Variants in RSBN1L observed in about 807,000 individuals in gnomAD.
RSBN1L encodes the protein lysine-specific demethylase RSBN1L.
A neutral mutation model predicts 67.7 loss-of-function variants in RSBN1L; 30 were observed. The ratio of observed to expected loss-of-function variants is 0.44; its 90% CI spans 0.33 to 0.60. RSBN1L has a LOEUF of 0.60. RSBN1L is among the 20% of genes least tolerant of loss of function. The pLI is 0.02. For synonymous variants in RSBN1L, 433 were observed against 387.0 expected (o/e 1.12, Z -1.39); for missense variants, 992 against 1,031.7 (o/e 0.96, Z 0.53).
intron 1 of RSBN1L, among the ~76,000 whole-genome samples, chr7:77,716,464 T>TC (rs953367744): frequency 9.3e-5 from 14 of 151,064 alleles, no homozygotes; most frequent in Non-Finnish European, 7.4e-5. Flanking sequence ...TCCTTTTTTT[T>TC]TTTTTCACCA....
intron 1 of RSBN1L, among the ~76,000 whole-genome samples, chr7:77,700,228 A>C (rs1228127937): frequency 6.6e-6 from 1 of 152,218 alleles, no homozygotes; most frequent in East Asian, 1.9e-4. Flanking sequence ...GTAAAAGTGG[A>C]CATATACCAA....
chr7:77,737,795 G>A (rs944780224), intron 2 of RSBN1L, among the ~76,000 whole-genome samples: 7 of 152,134 alleles, frequency 4.6e-5, no homozygotes, highest in African/African-American at 1.7e-4. Context: ...GGCCGAGGCG[G>A]GTGGATCACT....
At chr7:77,741,712 G>GA (rs1791413245) in intron 2 of RSBN1L, among the ~76,000 whole-genome samples, 1 of 149,816 alleles carries the variant, frequency 6.7e-6, no homozygotes, top group African/African-American at 2.5e-5. Context: ...AAAAAGAAAA[G>GA]AAAAGAATTA....
At chr7:77,721,204 A>ACAG (rs1337458465) in intron 1 of RSBN1L, among the ~76,000 whole-genome samples, 2 of 150,158 alleles carry the variant, frequency 1.3e-5, no homozygotes, top group Non-Finnish European at 3.0e-5. Flanking sequence ...TGTAAAAGAC[A>ACAG]CTGCTCATTG....
At chr7:77,700,325 C>G (rs985327921) in intron 1 of RSBN1L, among the ~76,000 whole-genome samples, 1 of 152,122 alleles carries the variant, frequency 6.6e-6, no homozygotes, top group Non-Finnish European at 1.5e-5. Flanking sequence ...CTCCAGTAAC[C>G]AGCAAAATTT....
intron 4 of RSBN1L, among the ~76,000 whole-genome samples, chr7:77,765,961 A>G (rs1302053565): frequency 6.6e-6 from 1 of 152,216 alleles, no homozygotes; most frequent in African/African-American, 2.4e-5. Context: ...TTGTAAACTA[A>G]GTACTAAAGG....
chr7:77,774,516 C>T (rs1791886452), intron 6 of RSBN1L, among the ~76,000 whole-genome samples: 1 of 152,182 alleles, frequency 6.6e-6, no homozygotes, highest in Non-Finnish European at 1.5e-5. Context: ...ATCATGAGGT[C>T]AGGAGTTCAA....
chr7:77,742,067 C>T (rs1300427963), intron 2 of RSBN1L, among the ~76,000 whole-genome samples: 1 of 151,578 alleles, frequency 6.6e-6, no homozygotes, highest in Non-Finnish European at 1.5e-5. Context: ...TGGTGGCTCA[C>T]AGCTCTTATC....
Position 77,778,219 on chromosome 7 carries a change from T to C in RSBN1L, c.1794-119T>C, listed in dbSNP as rs143116799. ...ATGGCTTTCCAATTAACAGTTTAACTTTATTTGTAAGACAGTACTATGGTA... is the reference window on the plus strand; with the variant it reads ...ATGGCTTTCCAATTAACAGTTTAACCTTATTTGTAAGACAGTACTATGGTA... On this transcript the variant is annotated intron_variant, in intron 6 of 7. Coordinates refer to ENST00000334955, the MANE Select transcript of RSBN1L (RefSeq NM_198467.3). 5.9e-4 allele frequency: 363 copies of C among 615,628 alleles called. No homozygotes were observed. The African/African-American group carries it at 6.2e-3, about 11-fold the overall frequency. The allele number at this position is 615,628 out of a possible 1,614,324, so 38.1% of individuals were successfully genotyped here.
chr7:77,696,484 G>A lies in RSBN1L; in HGVS notation c.15G>A (p.Pro5=), dbSNP rs1187521316. The change falls in exon 1 of 8, where the codon CCG becomes CCA. Residue 5 remains proline, a synonymous_variant. Transcript: ENST00000334955. ...AGGAGCGCAAAATGGCGGAACCGCCGAGCCCCGTGCACTGTGTCGCTGCCG... is the reference window on the plus strand; with the variant it reads ...AGGAGCGCAAAATGGCGGAACCGCCAAGCCCCGTGCACTGTGTCGCTGCCG... MAEP[P]SPVHCVAAAA... The A allele has an allele frequency of 6.8e-6, 11 of 1,609,880 alleles. No individual in the cohort carries two copies. The highest frequency in any genetic ancestry group is 2.5e-6 in the Non-Finnish European group (3 of 1,177,710).
intron 1 of RSBN1L, among the ~76,000 whole-genome samples, chr7:77,727,487 G>T (rs1471284643): frequency 2.0e-5 from 3 of 152,020 alleles, no homozygotes; most frequent in Admixed American, 6.6e-5. Context: ...GATAAGAATT[G>T]TCACTTTTAT....
At chr7:77,759,242 G>T (rs2150429294) in intron 3 of RSBN1L, among the ~76,000 whole-genome samples, 1 of 152,124 alleles carries the variant, frequency 6.6e-6, no homozygotes, top group East Asian at 1.9e-4. Flanking sequence ...TTGACCAATT[G>T]TGCCTGCCCC....
chr7:77,736,595 T>C (rs1348866114), intron 2 of RSBN1L, 69 bp downstream of exon 2: 1 of 847,754 alleles, frequency 1.2e-6, no homozygotes, highest in Non-Finnish European at 1.7e-6. Context: ...GCTAAGTGAA[T>C]AAAATAAGAA....
intron 2 of RSBN1L, among the ~76,000 whole-genome samples, chr7:77,740,491 T>C (rs1185428113): frequency 6.6e-6 from 1 of 152,130 alleles, no homozygotes; most frequent in African/African-American, 2.4e-5. Flanking sequence ...AGTGACAACA[T>C]TGCAGTGCAA....
intron 2 of RSBN1L, among the ~76,000 whole-genome samples, chr7:77,738,089 A>AT (rs200854093): frequency 0.02 from 3,060 of 150,608 alleles, 88 homozygotes; most frequent in African/African-American, 0.069. Flanking sequence ...CCCAATAGCC[A>AT]TTTTTTTTTC....
chr7:77,697,972 G>T (rs1790763392), intron 1 of RSBN1L, among the ~76,000 whole-genome samples: 1 of 152,198 alleles, frequency 6.6e-6, no homozygotes, highest in Admixed American at 6.5e-5. Flanking sequence ...GTGATCGCAA[G>T]CTTAAAGCGC....
At position 77,779,218 on chromosome 7, in the gene RSBN1L, A is replaced by C. The variant is rs1336965192; in HGVS notation, c.*50A>C. On this transcript the variant is annotated 3_prime_UTR_variant, in exon 8 of 8. Coordinates refer to ENST00000334955, the MANE Select transcript of RSBN1L (RefSeq NM_198467.3). ...TTTTTTAAAAAAATTTAATGTAATA[A>C]AGATTCATGAATTCTGAAAGCAAGC... 7.7e-7 allele frequency: 1 copy of C among 1,291,312 alleles called. No individual in the cohort carries two copies. Among genetic ancestry groups the C allele is most frequent in the African/African-American group, 1.5e-5 (1 of 66,300 alleles). The allele number at this position is 1,291,312 out of a possible 1,614,324, so 80.0% of individuals were successfully genotyped here.
intron 1 of RSBN1L, among the ~76,000 whole-genome samples, chr7:77,731,873 A>C (rs1319053318): frequency 6.6e-6 from 1 of 151,314 alleles, no homozygotes; most frequent in African/African-American, 2.4e-5. Context: ...GTGGATATCC[A>C]GTTGTTCCAG....
chr7:77,779,097 C>G lies in RSBN1L; in HGVS notation c.2470C>G (p.Leu824Val). The change falls in exon 8 of 8, where the codon CTA (leucine) becomes GTA (valine). Residue 824 changes from leucine (L) to valine (V), a missense_variant. Physicochemically the swap from Leu to Val is conservative, Grantham distance 32. Around this residue, in one of 7 missense-constraint regions of RSBN1L, gnomAD observed 199 missense variants for 167.7 expected, o/e 1.19. Coordinates refer to ENST00000334955, the MANE Select transcript of RSBN1L (RefSeq NM_198467.3). Reference sequence around the variant, plus strand: ...AGAATTGTGCCCTGGAAATCTAAGTCTAGTTGATACAAGGCAACACAGTTC... The same window carrying G: ...AGAATTGTGCCCTGGAAATCTAAGTGTAGTTGATACAAGGCAACACAGTTC... ...KEELCPGNLS[L>V]VDTRQHSSAH... The G allele has an allele frequency of 6.2e-7, 1 of 1,612,996 alleles. No homozygotes were observed. Among genetic ancestry groups the G allele is most frequent in the Non-Finnish European group, 8.5e-7 (1 of 1,179,114 alleles).
Sources: allele counts gnomAD v4.1 joint callset (sites outside exome capture counted in the v4.1 genomes callset), GRCh38; gene constraint gnomAD v4.1.1; regional missense constraint gnomAD v4.1.1; transcripts MANE v1.5; gene names NCBI Gene and HGNC (gene_info 2026-07-23, HGNC 2026-07-21).